AKAP13: variants seen among roughly 807,000 people sequenced by gnomAD.
The protein encoded by AKAP13 is A-kinase anchor protein 13.
AKAP13 carries 80 observed loss-of-function variants against 264.5 expected under a neutral mutation model. The observed-to-expected ratio is 0.30, with a 90% CI of 0.25 to 0.36. The LOEUF (loss-of-function observed/expected upper bound fraction) is 0.36. Among genes scored for constraint, AKAP13 ranks in the 10% least tolerant of loss-of-function variants. The pLI, the probability that AKAP13 is intolerant of heterozygous loss-of-function variation, is 1.00. For synonymous variants in AKAP13, 1,380 were observed against 1,250.2 expected, an observed-to-expected ratio of 1.10 and a Z score of -2.19; for missense variants, 3,712 against 3,435.2, an observed-to-expected ratio of 1.08 and a Z score of -2.01.
At chr15:85,637,102 A>G (rs1275199436) in intron 8 of AKAP13, among the ~76,000 whole-genome samples, 1 of 152,226 alleles carries the variant, frequency 6.6e-6, no homozygotes, top group Non-Finnish European at 1.5e-5. Flanking sequence ...CCTGAGGAAT[A>G]TTGATCTATA....
chr15:85,447,404 A>C (rs991499995), intron 1 of AKAP13, among the ~76,000 whole-genome samples: 1 of 152,092 alleles, frequency 6.6e-6, no homozygotes, highest in African/African-American at 2.4e-5. Flanking sequence ...TTGGGGATAC[A>C]TGTTAAGGTT....
chr15:85,644,693 CAAAAAAAAAA>C (rs1161365911), intron 9 of AKAP13, among the ~76,000 whole-genome samples: 4 of 103,904 alleles, frequency 3.8e-5, no homozygotes, highest in African/African-American at 1.1e-4. Flanking sequence ...ACTAAAAATA[CAAAAAAAAAA>C]AAAAAAAAAA....
chr15:85,740,503 CA>C, intron 34 of AKAP13: 1 of 523,046 alleles, frequency 1.9e-6, no homozygotes, highest in South Asian at 2.9e-5. Flanking sequence ...AACCATGCTA[CA>C]AATCACATAG....
Position 85,402,654 on chromosome 15 carries a change from A to G in AKAP13, c.-12+21856A>G, listed in dbSNP as rs114210252. On this transcript the variant is annotated intron_variant, in intron 1 of 36. Coordinates refer to ENST00000394518, the MANE Select transcript of AKAP13 (RefSeq NM_007200.5). ...ACTCCTTGCTTATCAAAACCTATTT[A>G]TGCTAGCTGCCATTTTTTTTTTCGA... Among the ~76,000 whole-genome samples the G allele has an allele frequency of 3.9e-3, 591 of 152,284 alleles. 6 individuals are homozygous for G. Among genetic ancestry groups the G allele is most frequent in the African/African-American group, 0.013 (560 of 41,548 alleles).
intron 10 of AKAP13, 52 bp downstream of exon 10, chr15:85,646,006 T>C: frequency 6.3e-7 from 1 of 1,587,094 alleles, no homozygotes; most frequent in Non-Finnish European, 8.5e-7. Context: ...TGTGTTCCTA[T>C]TTGGGCTTCC....
chr15:85,385,023 C>T (rs905648651), intron 1 of AKAP13, among the ~76,000 whole-genome samples: 3 of 152,126 alleles, frequency 2.0e-5, no homozygotes, highest in African/African-American at 4.8e-5. Flanking sequence ...AGAAGGAAAA[C>T]GTGTGAGGTT....
At chr15:85,730,805 A>C in intron 30 of AKAP13, 98 bp downstream of exon 30, 2 of 1,057,606 alleles carry the variant, frequency 1.9e-6, no homozygotes, top group Non-Finnish European at 2.7e-6. Context: ...TTTAAAGCAC[A>C]AATGCAGAAA....
intron 1 of AKAP13, among the ~76,000 whole-genome samples, chr15:85,474,138 T>C (rs1479824339): frequency 6.6e-6 from 1 of 152,192 alleles, no homozygotes; most frequent in East Asian, 1.9e-4. Context: ...GTATCAAACA[T>C]GTGGCTGACT....
At chr15:85,729,643 G>C (rs2087847289) in intron 29 of AKAP13, among the ~76,000 whole-genome samples, 1 of 151,990 alleles carries the variant, frequency 6.6e-6, no homozygotes, top group African/African-American at 2.4e-5. Flanking sequence ...GTAAGGTAAA[G>C]AAGACAGCTC....
chr15:85,402,783 T>A (rs2071485995), intron 1 of AKAP13, among the ~76,000 whole-genome samples: 1 of 152,198 alleles, frequency 6.6e-6, no homozygotes, highest in Admixed American at 6.5e-5. Flanking sequence ...TGAGGCTTAC[T>A]AAGATTGTGT....
chr15:85,568,731 T>A (rs1221126631), intron 5 of AKAP13, among the ~76,000 whole-genome samples: 1 of 152,058 alleles, frequency 6.6e-6, no homozygotes, highest in African/African-American at 2.4e-5. Flanking sequence ...AAGATTATGA[T>A]GAAGAGAGAA....
At chr15:85,396,021 T>TACACACACAC (rs57665297) in intron 1 of AKAP13, among the ~76,000 whole-genome samples, 10 of 150,562 alleles carry the variant, frequency 6.6e-5, no homozygotes, top group African/African-American at 2.2e-4. Flanking sequence ...TATACATACA[T>TACACACACAC]ACACACACAC....
chr15:85,589,441 AT>A (rs1268208931), intron 8 of AKAP13, among the ~76,000 whole-genome samples: 1 of 152,010 alleles, frequency 6.6e-6, no homozygotes, highest in East Asian at 1.9e-4. Flanking sequence ...GTTTTGAATT[AT>A]GTTTCCAGCC....
chr15:85,700,252 T>C (rs1017210361), intron 17 of AKAP13, among the ~76,000 whole-genome samples: 3 of 152,240 alleles, frequency 2.0e-5, no homozygotes. Flanking sequence ...TCAGTTAATG[T>C]AGGAGAATGC....
chr15:85,602,321 G>A lies in AKAP13; in HGVS notation c.4161+16498G>A, dbSNP rs373171032. On this transcript the variant is annotated intron_variant, in intron 8 of 36. Transcript: ENST00000394518. ...CTCCCAAGTAGCTGAGATTACAGGCGTGCGTCACCATGCCCAGCTAATTTT... is the reference window on the plus strand; with the variant it reads ...CTCCCAAGTAGCTGAGATTACAGGCATGCGTCACCATGCCCAGCTAATTTT... Among the ~76,000 whole-genome samples the A allele has an allele frequency of 6.6e-4, 101 of 151,962 alleles. 1 individual carries two copies. Among genetic ancestry groups the A allele is most frequent in the African/African-American group, 2.2e-3 (91 of 41,462 alleles).
At chr15:85,522,209 G>C (rs1167958230) in intron 3 of AKAP13, among the ~76,000 whole-genome samples, 1 of 152,102 alleles carries the variant, frequency 6.6e-6, no homozygotes, top group African/African-American at 2.4e-5. Flanking sequence ...CCGTGACTCA[G>C]TTCTCATTAG....
intron 35 of AKAP13, 62 bp downstream of exon 35, chr15:85,741,557 T>G: frequency 6.7e-7 from 1 of 1,494,612 alleles, no homozygotes. Flanking sequence ...CCCTGTGTAT[T>G]AAGCAAGGTA....
chr15:85,699,417 G>A (rs943944956), intron 17 of AKAP13, among the ~76,000 whole-genome samples: 5 of 151,364 alleles, frequency 3.3e-5, no homozygotes, highest in South Asian at 2.1e-4. Context: ...GCACTTTAGC[G>A]TGCGCAACAA....
chr15:85,729,221 C>T (rs2087812312), intron 29 of AKAP13, among the ~76,000 whole-genome samples: 1 of 151,944 alleles, frequency 6.6e-6, no homozygotes, highest in African/African-American at 2.4e-5. Flanking sequence ...ATCGCTTGAA[C>T]CCGGGAGGCA....
Sources: gnomAD v4.1 joint callset for allele counts (sites outside exome capture counted in the v4.1 genomes callset) on GRCh38, gnomAD v4.1.1 for gene constraint, MANE v1.5 for transcripts, NCBI Gene and HGNC (gene_info 2026-07-23, HGNC 2026-07-21) for gene names.